PKHD1: variants seen among roughly 807,000 people sequenced by gnomAD.
PKHD1 encodes the protein PKHD1 ciliary IPT domain containing fibrocystin/polyductin.
Under a neutral mutation model 412.0 loss-of-function variants are expected in PKHD1, and 291 were observed. That is an observed-to-expected ratio of 0.71 (90% confidence interval 0.64 to 0.78). The LOEUF is 0.78. PKHD1 is among the 30% of genes least tolerant of loss of function. The pLI, the probability that PKHD1 is intolerant of heterozygous loss-of-function variation, is 0.00. For synonymous variants in PKHD1, 1,777 were observed against 1,821.5 expected, an observed-to-expected ratio of 0.98 and a Z score of 0.62; for missense variants, 4,825 against 4,950.7, an observed-to-expected ratio of 0.97 and a Z score of 0.76.
At chr6:51,985,245 C>T (rs1005066726) in intron 35 of PKHD1, among the ~76,000 whole-genome samples, 1 of 152,152 alleles carries the variant, frequency 6.6e-6, no homozygotes, top group Non-Finnish European at 1.5e-5. Flanking sequence ...ATGTCTGTTG[C>T]AGTATTGTTT....
intron 39 of PKHD1, 50 bp from the exon 40 acceptor site, chr6:51,909,524 TC>T: frequency 5.8e-6 from 8 of 1,388,680 alleles, no homozygotes; most frequent in Non-Finnish European, 8.2e-6. Flanking sequence ...AGAACATGCT[TC>T]CAGACAAATC....
chr6:51,828,806 ATCAGAG>A (rs1343206424), intron 52 of PKHD1, among the ~76,000 whole-genome samples: 7 of 152,212 alleles, frequency 4.6e-5, no homozygotes, highest in South Asian at 2.1e-4. Flanking sequence ...CCAGAGACCC[ATCAGAG>A]GTCAAAATAT....
intron 51 of PKHD1, among the ~76,000 whole-genome samples, chr6:51,835,768 T>G (rs1233518303): frequency 6.6e-6 from 1 of 152,212 alleles, no homozygotes; most frequent in East Asian, 1.9e-4. Flanking sequence ...AACAGAGGAA[T>G]TAGATCATTT....
intron 35 of PKHD1, among the ~76,000 whole-genome samples, chr6:51,991,240 A>C (rs138042245): frequency 9.8e-5 from 15 of 152,348 alleles, no homozygotes; most frequent in Non-Finnish European, 1.8e-4. Context: ...ACTTTAAATA[A>C]GACTGGAATG....
Position 51,946,993 on chromosome 6 carries a change from A to G in PKHD1, c.5909-12671T>C, listed in dbSNP as rs560702987. Among the ~76,000 whole-genome samples the G allele has an allele frequency of 1.1e-4, 16 of 152,368 alleles. No individual in the cohort carries two copies. In the South Asian group the frequency reaches 3.3e-3, roughly 32 times the overall value. Reference sequence around the variant, plus strand: ...TTTTCCCCCTTACAGAAAAAATTTAAGTATAAATATTATACCATACAATAC... The same window carrying G: ...TTTTCCCCCTTACAGAAAAAATTTAGGTATAAATATTATACCATACAATAC... On this transcript the variant is annotated intron_variant, in intron 36 of 66. Coordinates refer to ENST00000371117, the MANE Select transcript of PKHD1 (RefSeq NM_138694.4).
chr6:51,977,989 CAA>C (rs928654114), intron 35 of PKHD1, among the ~76,000 whole-genome samples: 13 of 152,058 alleles, frequency 8.5e-5, no homozygotes, highest in African/African-American at 2.9e-4. Flanking sequence ...ATCCTCCCCG[CAA>C]AAAAATGGGC....
At chr6:51,841,650 C>A (rs1033405668) in intron 50 of PKHD1, among the ~76,000 whole-genome samples, 1 of 152,126 alleles carries the variant, frequency 6.6e-6, no homozygotes, top group Non-Finnish European at 1.5e-5. Context: ...CTGTGGATTG[C>A]CTTAGAGGGG....
At position 51,748,565 on chromosome 6, in the gene PKHD1, T is replaced by C; in HGVS notation, c.9051A>G (p.Ser3017=). The C allele has an allele frequency of 1.2e-6, 2 of 1,613,640 alleles. No homozygotes were observed. The highest frequency in any genetic ancestry group is 1.7e-5 in the Admixed American group (1 of 59,976). Residue 3017 remains serine (S), a synonymous_variant, in exon 58 of 67, where the codon TCA becomes TCG. Coordinates refer to ENST00000371117, the MANE Select transcript of PKHD1 (RefSeq NM_138694.4). The part of the protein sequence containing the change: ...SNVSAGSWII[S]STLHQSCGGG... ...CGCCACAGCTCTGGTGCAGAGTAGATGATATGATCCAGGATCCTGCTGACA... is the reference window on the plus strand; with the variant it reads ...CGCCACAGCTCTGGTGCAGAGTAGACGATATGATCCAGGATCCTGCTGACA...
chr6:51,852,596 G>A (rs1312965174), intron 49 of PKHD1, among the ~76,000 whole-genome samples: 1 of 152,136 alleles, frequency 6.6e-6, no homozygotes, highest in Non-Finnish European at 1.5e-5. Context: ...TGTATTGGGG[G>A]CATGTATATT....
rs5876252 is a variant in PKHD1, at chr6:52,066,088, TA to T, written c.779-12del. On this transcript the variant is annotated splice_polypyrimidine_tract_variant and intron_variant, in intron 11 of 66. Transcript: ENST00000371117. ...ACACAGATAATATTTCTGCAAGAGT[TA>T]AAAAAAAAAAAAAGTAAGCTTCCAA... 38,620 of 927,392 alleles carry T rather than the reference TA, an allele frequency of 0.042. 29 individuals carry two copies. Among genetic ancestry groups the T allele is most frequent in the African/African-American group, 0.06 (3,535 of 59,120 alleles). 57.4% of individuals were successfully genotyped at this position (927,392 alleles called of 1,614,324 possible).
At position 51,658,893 on chromosome 6, in the gene PKHD1, T is replaced by C. The variant is rs1287565640; in HGVS notation, c.11174+59A>G. 7.6e-6 allele frequency: 8 copies of C among 1,049,344 alleles called. No homozygotes were observed. In the African/African-American group the frequency reaches 1.2e-4, roughly 16 times the overall value. The allele number at this position is 1,049,344 out of a possible 1,614,324, so 65.0% of individuals were successfully genotyped here. A position where few individuals can be genotyped will look rare whatever the true frequency, so the allele number is the denominator to read the frequency against. On this transcript the variant is annotated intron_variant, in intron 61 of 66. Coordinates refer to ENST00000371117, the MANE Select transcript of PKHD1 (RefSeq NM_138694.4). ...TAAGTAGATTGACATTTGCAACATATGTCAATATGGACCTAAAAAATCAGC... is the reference window on the plus strand; with the variant it reads ...TAAGTAGATTGACATTTGCAACATACGTCAATATGGACCTAAAAAATCAGC...
intron 55 of PKHD1, among the ~76,000 whole-genome samples, chr6:51,770,752 C>T (rs886221257): frequency 9.9e-5 from 15 of 151,746 alleles, no homozygotes; most frequent in Middle Eastern, 3.5e-3. Context: ...TCATATTTAC[C>T]TCCTATGGCT....
In PKHD1 at chr6:52,022,846, T is replaced by G; in HGVS notation, c.5335A>C (p.Asn1779His). 1 of 1,614,124 alleles carries G rather than the reference T, an allele frequency of 6.2e-7. No homozygotes were observed. Among genetic ancestry groups the G allele is most frequent in the Non-Finnish European group, 8.5e-7 (1 of 1,180,024 alleles). ...VCGAPCRVLA[N>H]ATVSAFSCLV... ...CAGCTGAAGGCAGACACTGTAGCAT[T>G]AGCCAGGACTCGGCAGGGAGCACCA... The change falls in exon 33 of 67, where the codon AAT (asparagine) becomes CAT (histidine). Residue 1779 changes from asparagine to histidine, a missense_variant. By Grantham distance (68) the Asn-to-His change is moderately conservative. Coordinates refer to ENST00000371117, the MANE Select transcript of PKHD1 (RefSeq NM_138694.4).
At chr6:51,896,973 A>G (rs1780163194) in intron 43 of PKHD1, among the ~76,000 whole-genome samples, 1 of 151,890 alleles carries the variant, frequency 6.6e-6, no homozygotes, top group South Asian at 2.1e-4. Flanking sequence ...AAAAAGAATA[A>G]AAAGAAATGA....
At chr6:51,653,632 T>C (rs1277592057) in intron 61 of PKHD1, among the ~76,000 whole-genome samples, 1 of 152,140 alleles carries the variant, frequency 6.6e-6, no homozygotes, top group Non-Finnish European at 1.5e-5. Context: ...GAGATTCCAG[T>C]AACCTTAGGT....
intron 48 of PKHD1, among the ~76,000 whole-genome samples, chr6:51,856,365 T>G (rs1229719375): frequency 6.6e-6 from 1 of 152,216 alleles, no homozygotes; most frequent in Non-Finnish European, 1.5e-5. Flanking sequence ...GAGACGGAGT[T>G]TCGCTCTTGT....
chr6:51,981,105 C>T (rs952512605), intron 35 of PKHD1, among the ~76,000 whole-genome samples: 3 of 151,832 alleles, frequency 2.0e-5, no homozygotes, highest in Non-Finnish European at 4.4e-5. Context: ...ACATGCCTGC[C>T]TCTAAAAAGG....
At chr6:52,063,806 A>G (rs1347058153) in intron 13 of PKHD1, among the ~76,000 whole-genome samples, 1 of 152,194 alleles carries the variant, frequency 6.6e-6, no homozygotes, top group Non-Finnish European at 1.5e-5. Flanking sequence ...GTTGAGAACA[A>G]TTGGTTTCCA....
chr6:51,842,592 C>T (rs1770408488), intron 50 of PKHD1, among the ~76,000 whole-genome samples: 1 of 152,156 alleles, frequency 6.6e-6, no homozygotes, highest in Non-Finnish European at 1.5e-5. Flanking sequence ...CTCAACCTCC[C>T]CCCGCCTCCC....
Sources: gnomAD v4.1 joint callset for allele counts (sites outside exome capture counted in the v4.1 genomes callset) on GRCh38, gnomAD v4.1.1 for gene constraint, MANE v1.5 for transcripts, NCBI Gene and HGNC (gene_info 2026-07-23, HGNC 2026-07-21) for gene names.